Variants in ATP2C1 observed in about 807,000 individuals in gnomAD.
The protein encoded by ATP2C1 is ATPase secretory pathway Ca2+ transporting 1, also known as calcium-transporting ATPase type 2C member 1.
ATP2C1 carries 31 observed loss-of-function variants against 120.5 expected under a neutral mutation model. The observed-to-expected ratio is 0.26, with a 90% CI of 0.19 to 0.35. The LOEUF (loss-of-function observed/expected upper bound fraction) is 0.35. ATP2C1 is among the 10% of genes least tolerant of loss of function. The pLI is 1.00. For synonymous variants in ATP2C1, 351 were observed against 358.7 expected (o/e 0.98, Z 0.24); for missense variants, 731 against 1,107.5 (o/e 0.66, Z 4.83).
At chr3:130,922,093 T>G (rs1178932938) in intron 2 of ATP2C1, among the ~76,000 whole-genome samples, 1 of 151,194 alleles carries the variant, frequency 6.6e-6, no homozygotes. Flanking sequence ...GGTACTGGAC[T>G]TTTTTTTTGT....
intron 2 of ATP2C1, among the ~76,000 whole-genome samples, chr3:130,912,820 A>G (rs2058496560): frequency 1.3e-5 from 2 of 152,212 alleles, no homozygotes; most frequent in South Asian, 2.1e-4. Flanking sequence ...TTATTGCGGC[A>G]TTATTCACAA....
chr3:130,939,286 TAA>T (rs1156472395), intron 6 of ATP2C1, among the ~76,000 whole-genome samples: 1 of 152,234 alleles, frequency 6.6e-6, no homozygotes, highest in African/African-American at 2.4e-5. Context: ...ACTTGTGTCT[TAA>T]GAGGGCTTTT....
chr3:130,864,622 C>T (rs2068110151), intron 1 of ATP2C1, among the ~76,000 whole-genome samples: 1 of 152,208 alleles, frequency 6.6e-6, no homozygotes, highest in South Asian at 2.1e-4. Context: ...GGTCCCTGTG[C>T]TGTGTGCAGC....
intron 19 of ATP2C1, 63 bp from the exon 20 acceptor site, chr3:130,980,519 G>T: frequency 8.5e-7 from 1 of 1,177,044 alleles, no homozygotes; most frequent in South Asian, 1.2e-5. Context: ...TGAGCATTAC[G>T]TTGACTAGCC....
downstream of ATP2C1, among the ~76,000 whole-genome samples, chr3:131,005,898 T>A (rs1033979600): frequency 9.2e-5 from 14 of 152,154 alleles, no homozygotes; most frequent in Admixed American, 2.0e-4. Context: ...GAATTACTGG[T>A]AGCAATTTTT....
intron 2 of ATP2C1, among the ~76,000 whole-genome samples, chr3:130,898,643 C>T (rs2069856710): frequency 6.6e-6 from 1 of 152,126 alleles, no homozygotes; most frequent in Non-Finnish European, 1.5e-5. Context: ...TATGCAATAA[C>T]CTTCTGACAG....
At chr3:130,989,200 T>C (rs1328542986) in intron 20 of ATP2C1, among the ~76,000 whole-genome samples, 1 of 148,606 alleles carries the variant, frequency 6.7e-6, no homozygotes, top group African/African-American at 2.5e-5. Context: ...TGAGCCGAGA[T>C]TGCGCCACTG....
intron 2 of ATP2C1, among the ~76,000 whole-genome samples, chr3:130,908,222 G>C (rs1022670863): frequency 6.6e-6 from 1 of 152,012 alleles, no homozygotes; most frequent in African/African-American, 2.4e-5. Context: ...AATGTATTCT[G>C]TACCTGTACT....
chr3:130,918,284 G>T, intron 2 of ATP2C1: 1 of 1,549,866 alleles, frequency 6.5e-7, no homozygotes, highest in South Asian at 1.1e-5. Context: ...AAAGTTCTTT[G>T]CATAGCACCC....
intron 1 of ATP2C1, among the ~76,000 whole-genome samples, chr3:130,873,606 G>GT (rs1458329797): frequency 6.6e-6 from 1 of 152,078 alleles, no homozygotes; most frequent in Non-Finnish European, 1.5e-5. Flanking sequence ...AAAAATATAA[G>GT]TTTTTTAAAA....
At position 130,999,624 on chromosome 3, in the gene ATP2C1, A is replaced by G. The variant is rs2062794767; in HGVS notation, c.2594A>G (p.Gln865Arg). ...QLLVIYFPPL[Q>R]KVFQTESLSI... is the part of the protein sequence containing the mutation. ...CTAGTTATTTACTTTCCTCCGCTTC[A>G]GAAGGTTTTTCAGACTGAGAGCCTA... Residue 865 changes from glutamine to arginine, a missense_variant, in exon 27 of 28, where the codon CAG becomes CGG. Coordinates refer to ENST00000510168, the MANE Select transcript of ATP2C1 (RefSeq NM_001378687.1). The G allele has an allele frequency of 1.2e-6, 2 of 1,613,578 alleles. No homozygotes were observed. Among genetic ancestry groups the G allele is most frequent in the Non-Finnish European group, 1.7e-6 (2 of 1,179,654 alleles).
At chr3:130,931,677 A>T (rs1001316917) in intron 3 of ATP2C1, among the ~76,000 whole-genome samples, 6 of 151,888 alleles carry the variant, frequency 4.0e-5, no homozygotes, top group Admixed American at 2.0e-4. Context: ...TTTTGTTTAC[A>T]TTTTTTTTAA....
intron 20 of ATP2C1, among the ~76,000 whole-genome samples, chr3:130,991,319 T>TGTG (rs796900426): frequency 9.9e-5 from 15 of 151,844 alleles, no homozygotes; most frequent in East Asian, 3.9e-4. Flanking sequence ...GCATTAGCAA[T>TGTG]GTGGTGGTGG....
Position 130,932,048 on chromosome 3 carries a change from A to G in ATP2C1, c.144A>G (p.Lys48=). 1 of 1,612,138 alleles carries G rather than the reference A, an allele frequency of 6.2e-7. No individual in the cohort carries two copies. ...LQADLQNGLN[K]CEVSHRRAFH... is the part of the protein sequence containing the mutation. ...CTGATCTTCAGAATGGTCTAAACAAATGTGAAGTTAGTCATAGGCGAGCCT... is the reference window on the plus strand; with the variant it reads ...CTGATCTTCAGAATGGTCTAAACAAGTGTGAAGTTAGTCATAGGCGAGCCT... Residue 48 remains lysine (K), a synonymous_variant, in exon 4 of 28, where the codon AAA becomes AAG. Coordinates refer to ENST00000510168, the MANE Select transcript of ATP2C1 (RefSeq NM_001378687.1).
intron 20 of ATP2C1, among the ~76,000 whole-genome samples, chr3:130,987,759 C>G (rs1360189381): frequency 6.6e-6 from 1 of 152,080 alleles, no homozygotes; most frequent in Non-Finnish European, 1.5e-5. Flanking sequence ...ATTAATTGTG[C>G]CCCTCATTAA....
At chr3:130,973,951 C>CTTAAA (rs1165129835) in intron 17 of ATP2C1, among the ~76,000 whole-genome samples, 1 of 152,066 alleles carries the variant, frequency 6.6e-6, no homozygotes, top group Non-Finnish European at 1.5e-5. Flanking sequence ...ACTTAAAAGA[C>CTTAAA]TTAAAATTCA....
At chr3:130,941,454 T>TA in intron 7 of ATP2C1, 137 bp from the exon 8 acceptor site, 1 of 699,054 alleles carries the variant, frequency 1.4e-6, no homozygotes, top group South Asian at 1.7e-5. Flanking sequence ...CTTGGCATCT[T>TA]AAGTGTTTAG....
chr3:130,956,599 G>A (rs890404535), intron 11 of ATP2C1, among the ~76,000 whole-genome samples: 6 of 151,340 alleles, frequency 4.0e-5, no homozygotes, highest in Non-Finnish European at 7.4e-5. Context: ...ATTTTTTGAG[G>A]GTTTTTTTTT....
chr3:130,996,738 C>G lies in ATP2C1; in HGVS notation c.2185C>G (p.Leu729Val), dbSNP rs371236506. 6.1e-5 allele frequency: 99 copies of G among 1,613,442 alleles called. No individual in the cohort carries two copies. Among genetic ancestry groups the G allele is most frequent in the Non-Finnish European group, 7.6e-5 (90 of 1,179,534 alleles). The change falls in exon 24 of 28, where the codon CTC (leucine) becomes GTC (valine). Residue 729 changes from leucine (L) to valine (V), a missense_variant. Leu to Val is a conservative substitution (Grantham distance 32). Coordinates refer to ENST00000510168, the MANE Select transcript of ATP2C1 (RefSeq NM_001378687.1). The stretch of plus-strand genomic sequence containing the variant: ...TACATTAATGAACTTTCCTAATCCT[C>G]TCAATGCCATGCAGATTTTGTGGAT... ...LATLMNFPNP[L>V]NAMQILWINI...
Sources: allele counts gnomAD v4.1 joint callset (sites outside exome capture counted in the v4.1 genomes callset), GRCh38; gene constraint gnomAD v4.1.1; transcripts MANE v1.5; gene names NCBI Gene and HGNC (gene_info 2026-07-23, HGNC 2026-07-21).